MOBP: variants seen among roughly 807,000 people sequenced by gnomAD.
MOBP encodes myelin associated oligodendrocyte basic protein, also known as myelin-associated oligodendrocyte basic protein.
A neutral mutation model predicts 15.0 loss-of-function variants in MOBP; 5 were observed. The ratio of observed to expected loss-of-function variants is 0.33; its 90% CI spans 0.17 to 0.70. The LOEUF is 0.70. MOBP is among the 30% of genes least tolerant of loss of function. The probability of loss-of-function intolerance (pLI) is 0.67; values close to 1 mark genes in which losing one functional copy is unlikely to be tolerated. For missense variants in MOBP, 188 were observed against 257.8 expected, an observed-to-expected ratio of 0.73 and a Z score of 1.85; for synonymous variants, 88 against 99.0, an observed-to-expected ratio of 0.89 and a Z score of 0.66.
intron 2 of MOBP, among the ~76,000 whole-genome samples, chr3:39,498,687 A>T (rs1026146398): frequency 6.6e-6 from 1 of 152,184 alleles, no homozygotes; most frequent in Non-Finnish European, 1.5e-5. Flanking sequence ...TTGTGTTAGG[A>T]ATGGCGAGGT....
At chr3:39,494,789 C>A (rs921104583) in intron 2 of MOBP, among the ~76,000 whole-genome samples, 2 of 90,250 alleles carry the variant, frequency 2.2e-5, no homozygotes, top group Admixed American at 1.3e-4. Flanking sequence ...AAAGCCCCCC[C>A]CCGCCCCCCG....
At position 39,502,672 on chromosome 3, in the gene MOBP, G is replaced by A. The variant is rs1233884795; in HGVS notation, c.344G>A (p.Arg115His). The change falls in exon 4 of 4, where the codon CGT (arginine) becomes CAT (histidine). Residue 115 changes from arginine to histidine, a missense_variant. Arg to His is a conservative substitution (Grantham distance 29, BLOSUM62 0). This residue lies in a region of MOBP where 133 missense variants were observed against 212.5 expected (regional missense o/e 0.63). Coordinates refer to ENST00000684792, the MANE Select transcript of MOBP (RefSeq NM_001393704.1). The surrounding 1 kb of genome is among the most constrained non-coding windows in gnomAD (Gnocchi z 6.3). ...CCACGGTCCCCTCCGAGGTCTGAGC[G>A]TCAGCCACGGTCCCCTCCGAGGTCT... ...RQPRSPPRSE[R>H]QPRSPPRSER... 6 of 1,008,768 alleles carry A rather than the reference G, an allele frequency of 5.9e-6. No individual in the cohort carries two copies. Among genetic ancestry groups the A allele is most frequent in the East Asian group, 5.2e-5 (2 of 38,752 alleles). 62.5% of individuals were successfully genotyped at this position (1,008,768 alleles called of 1,614,324 possible). A position where few individuals can be genotyped will look rare whatever the true frequency, so the allele number is the denominator to read the frequency against.
At position 39,499,919 on chromosome 3, in the gene MOBP, A is replaced by G. The variant is rs1317282718; in HGVS notation, c.-4-2147A>G. On this transcript the variant is annotated intron_variant, in intron 2 of 3. Coordinates refer to ENST00000684792, the MANE Select transcript of MOBP (RefSeq NM_001393704.1). ...TTGGCCAGATGAAATGCCTCTGCCC[A>G]TGAAGTTTCACCTTGTTCTCTAGCC... 5 of 421,844 alleles carry G rather than the reference A, an allele frequency of 1.2e-5. No individual in the cohort carries two copies. In the Admixed American group the frequency reaches 1.2e-4, roughly 11 times the overall value. 26.1% of individuals were successfully genotyped at this position (421,844 alleles called of 1,614,324 possible). A position where few individuals can be genotyped will look rare whatever the true frequency, so the allele number is the denominator to read the frequency against.
intron 4 of MOBP, among the ~76,000 whole-genome samples, chr3:39,512,225 C>T (rs989369145): frequency 1.3e-5 from 2 of 152,124 alleles, no homozygotes; most frequent in Non-Finnish European, 2.9e-5. Flanking sequence ...ATTAGATGCT[C>T]ATATTACCTA....
chr3:39,510,802 G>A lies in MOBP; in HGVS notation c.*-2581G>A, dbSNP rs977506634. The stretch of plus-strand genomic sequence containing the variant: ...TATGCCTATTTTTTGTATATGTTTC[G>A]AACTGCTATTTTGTTCAAAACATTT... On this transcript the variant is annotated intron_variant, in intron 4 of 4. Coordinates refer to the MOBP transcript ENST00000311042. 9.2e-5 allele frequency among the ~76,000 whole-genome samples: 14 copies of A among 151,932 alleles called. No homozygotes were observed. In the East Asian group the frequency reaches 1.4e-3, roughly 15 times the overall value.
In MOBP at chr3:39,502,281, C is replaced by T. The variant is rs777079838; in HGVS notation, c.206+6C>T. 19 of 1,613,848 alleles carry T rather than the reference C, an allele frequency of 1.2e-5. No homozygotes were observed. The highest frequency in any genetic ancestry group is 5.9e-6 in the Non-Finnish European group (7 of 1,180,006). Reference sequence around the variant, plus strand: ...TGCGCCTGCCAGAAGACCAGGTAAGCGGCCGCCCAGCCCCGCGGCACCAGT... The same window carrying T: ...TGCGCCTGCCAGAAGACCAGGTAAGTGGCCGCCCAGCCCCGCGGCACCAGT... On this transcript the variant is annotated splice_donor_region_variant and intron_variant, in intron 3 of 3. Transcript: ENST00000684792. This position sits in a 1 kb window ranked among gnomAD's most constrained non-coding sequence, Gnocchi z 6.3.
At chr3:39,489,826 TC>T (rs2042769866) in intron 2 of MOBP, among the ~76,000 whole-genome samples, 1 of 152,194 alleles carries the variant, frequency 6.6e-6, no homozygotes, top group South Asian at 2.1e-4. Context: ...GGCTGGCCAC[TC>T]CGAGTTTCTG....
At chr3:39,503,761 GTGGGTGTTAAT>G (rs1232477761), downstream of MOBP, among the ~76,000 whole-genome samples, 1 of 152,020 alleles carries the variant, frequency 6.6e-6, no homozygotes, top group East Asian at 1.9e-4. Flanking sequence ...TAAGTTAGTA[GTGGGTGTTAAT>G]TGTATTTGAG....
intron 2 of MOBP, among the ~76,000 whole-genome samples, chr3:39,481,698 C>G (rs887118406): frequency 1.3e-5 from 2 of 152,192 alleles, no homozygotes; most frequent in Non-Finnish European, 2.9e-5. Flanking sequence ...TCTTTAGTCA[C>G]TATTCCCTCC....
downstream of MOBP, among the ~76,000 whole-genome samples, chr3:39,519,208 C>G (rs151307818): frequency 3.3e-5 from 5 of 152,278 alleles, no homozygotes; most frequent in East Asian, 9.6e-4. Flanking sequence ...TACTATAATT[C>G]ACCCTGCGTT....
At chr3:39,506,832 TA>T (rs1390618882), downstream of MOBP, among the ~76,000 whole-genome samples, 4 of 152,216 alleles carry the variant, frequency 2.6e-5, no homozygotes, top group East Asian at 1.9e-4. Flanking sequence ...CTCTAATGGT[TA>T]CCTGTGGCCT....
downstream of MOBP, among the ~76,000 whole-genome samples, chr3:39,507,212 A>C (rs1261959909): frequency 6.6e-6 from 1 of 152,224 alleles, no homozygotes; most frequent in African/African-American, 2.4e-5. Context: ...GGAAAACCTA[A>C]TCTGTCTACA....
chr3:39,514,447 A>C (rs1445646224), exon 5 of MOBP: 1 of 152,106 alleles, frequency 6.6e-6, no homozygotes, highest in Non-Finnish European at 1.5e-5. Context: ...AGTGGTGCTC[A>C]GAGTTCCTAT....
Position 39,500,527 on chromosome 3 carries a change from G to T in MOBP, c.-4-1539G>T, listed in dbSNP as rs191281349. ...CAGGAAAGGAAAGACTTTAGATGGA[G>T]AGAGACCAAATATGAAGGCAATTGG... On this transcript the variant is annotated intron_variant, in intron 2 of 3. Coordinates refer to ENST00000684792, the MANE Select transcript of MOBP (RefSeq NM_001393704.1). Among the ~76,000 whole-genome samples the T allele has an allele frequency of 5.1e-4, 77 of 152,300 alleles. 1 individual carries two copies. In the South Asian group the frequency reaches 8.3e-3, roughly 16 times the overall value.
intron 3 of MOBP, among the ~76,000 whole-genome samples, chr3:39,522,277 C>G (rs1030432463): frequency 3.9e-5 from 6 of 152,302 alleles, no homozygotes; most frequent in African/African-American, 1.4e-4. Flanking sequence ...AGAGCTCATA[C>G]AGTAAAACAA....
chr3:39,505,708 A>G (rs2043039412), downstream of MOBP, among the ~76,000 whole-genome samples: 1 of 152,196 alleles, frequency 6.6e-6, no homozygotes, highest in Non-Finnish European at 1.5e-5. Flanking sequence ...CCTGGTCCAG[A>G]CCACATGGTT....
intron 2 of MOBP, among the ~76,000 whole-genome samples, chr3:39,499,212 G>A (rs1228590334): frequency 6.6e-6 from 1 of 152,038 alleles, no homozygotes; most frequent in Non-Finnish European, 1.5e-5. Flanking sequence ...ATTTCCCATG[G>A]GAGGAGAAAC....
chr3:39,523,828 G>A (rs1471261768), intron 3 of MOBP, among the ~76,000 whole-genome samples: 3 of 152,106 alleles, frequency 2.0e-5, no homozygotes, highest in Middle Eastern at 3.2e-3. Context: ...GCTGAGACAT[G>A]GTTTTATTTC....
chr3:39,490,583 G>A (rs57969122), intron 2 of MOBP, among the ~76,000 whole-genome samples: 22,362 of 151,776 alleles, frequency 0.15, 1,868 homozygotes, highest in Non-Finnish European at 0.19. Flanking sequence ...TTTTTTTTGA[G>A]ACAGAGTCTT....
Sources: gnomAD v4.1 joint callset for allele counts (sites outside exome capture counted in the v4.1 genomes callset) on GRCh38, gnomAD v4.1.1 for gene constraint, gnomAD v4.1.1 regional missense constraint, Gnocchi (gnomAD v3.1) non-coding constraint, MANE v1.5 for transcripts, NCBI Gene and HGNC (gene_info 2026-07-23, HGNC 2026-07-21) for gene names.